TPRG1: variants seen among roughly 807,000 people sequenced by gnomAD.
TPRG1 encodes the protein tumor protein p63-regulated gene 1 protein.
A neutral mutation model predicts 29.3 loss-of-function variants in TPRG1; 29 were observed. That is an observed-to-expected ratio of 0.99 (90% CI 0.74 to 1.35). The LOEUF is 1.35. Ranked by LOEUF, TPRG1 falls within the 40% of genes most tolerant of loss-of-function variation. The probability of loss-of-function intolerance (pLI) is 0.00; values close to 1 mark genes in which losing one functional copy is unlikely to be tolerated. For missense variants in TPRG1, 327 were observed against 335.0 expected, an observed-to-expected ratio of 0.98 and a Z score of 0.19; for synonymous variants, 130 against 116.8, an observed-to-expected ratio of 1.11 and a Z score of -0.73.
intron 5 of TPRG1, among the ~76,000 whole-genome samples, chr3:189,154,733 G>C (rs1726431224): frequency 6.6e-6 from 1 of 152,166 alleles, no homozygotes; most frequent in Non-Finnish European, 1.5e-5. Flanking sequence ...AGGAGCCACT[G>C]TGCCCAGCCT....
chr3:189,133,434 A>G (rs898756610), intron 3 of TPRG1, among the ~76,000 whole-genome samples: 2 of 152,172 alleles, frequency 1.3e-5, no homozygotes, highest in African/African-American at 2.4e-5. Context: ...CTCAAATGCC[A>G]TCTTGAATTG....
intron 3 of TPRG1, among the ~76,000 whole-genome samples, chr3:189,133,273 GAGA>G (rs1450869551): frequency 6.6e-6 from 1 of 152,204 alleles, no homozygotes; most frequent in Non-Finnish European, 1.5e-5. Context: ...GAGACAGGGA[GAGA>G]AGAAGTAGTA....
At chr3:189,272,717 T>TTTC (rs1560633376) in intron 4 of TPRG1, among the ~76,000 whole-genome samples, 9 of 97,508 alleles carry the variant, frequency 9.2e-5, no homozygotes, top group African/African-American at 3.5e-4. Context: ...TTCTTTCTCC[T>TTTC]TCCTTCCTTC....
At chr3:189,156,118 T>C (rs1034494659) in intron 5 of TPRG1, among the ~76,000 whole-genome samples, 3 of 152,260 alleles carry the variant, frequency 2.0e-5, no homozygotes, top group East Asian at 1.9e-4. Flanking sequence ...TATTTATTTA[T>C]CAATTGTAAC....
intron 4 of TPRG1, among the ~76,000 whole-genome samples, chr3:189,090,795 G>A (rs578134798): frequency 5.7e-4 from 86 of 151,588 alleles, no homozygotes; most frequent in African/African-American, 2.0e-3. Context: ...ATAACTTATT[G>A]CTAAGCTTTA....
At chr3:189,300,712 T>G (rs1377052971) in intron 4 of TPRG1, among the ~76,000 whole-genome samples, 1 of 152,206 alleles carries the variant, frequency 6.6e-6, no homozygotes, top group Non-Finnish European at 1.5e-5. Context: ...TGAAGACATA[T>G]TCCTGGTCCA....
chr3:189,212,618 A>G (rs1179818174), intron 2 of TPRG1, among the ~76,000 whole-genome samples: 1 of 151,980 alleles, frequency 6.6e-6, no homozygotes, highest in African/African-American at 2.4e-5. Flanking sequence ...GAGATATGAT[A>G]TATTCCCTTC....
At chr3:189,141,885 C>T (rs1724617788) in intron 3 of TPRG1, among the ~76,000 whole-genome samples, 1 of 152,148 alleles carries the variant, frequency 6.6e-6, no homozygotes, top group South Asian at 2.1e-4. Flanking sequence ...GGGGCCCTGA[C>T]TGGAGAAGTC....
chr3:189,123,292 C>A (rs1722048936), intron 1 of TPRG1, among the ~76,000 whole-genome samples: 2 of 152,136 alleles, frequency 1.3e-5, no homozygotes, highest in African/African-American at 2.4e-5. Context: ...TGTTCCCTTT[C>A]TCTCCAGCTT....
At chr3:189,289,576 T>G (rs151051361) in intron 4 of TPRG1, among the ~76,000 whole-genome samples, 1 of 152,306 alleles carries the variant, frequency 6.6e-6, no homozygotes, top group East Asian at 1.9e-4. Context: ...TTCTTTTGGT[T>G]TCTTCACCTG....
intron 4 of TPRG1, among the ~76,000 whole-genome samples, chr3:189,026,882 T>C (rs1390651263): frequency 6.6e-6 from 1 of 152,160 alleles, no homozygotes; most frequent in Admixed American, 6.5e-5. Context: ...CATGGCGTGT[T>C]TGTTGAGAGC....
At chr3:189,171,144 A>G (rs1436025040), upstream of TPRG1, among the ~76,000 whole-genome samples, 1 of 152,200 alleles carries the variant, frequency 6.6e-6, no homozygotes, top group Non-Finnish European at 1.5e-5. Flanking sequence ...TTAAGATTCT[A>G]TTTCATTTTT....
chr3:189,157,025 T>A (rs1476648276), intron 5 of TPRG1, among the ~76,000 whole-genome samples: 1 of 152,232 alleles, frequency 6.6e-6, no homozygotes, highest in Non-Finnish European at 1.5e-5. Context: ...AAAGAAGCTA[T>A]GCCAGGGAGT....
At chr3:189,056,090 TTCCTTCCTTCCC>T (rs1715674781) in intron 4 of TPRG1, among the ~76,000 whole-genome samples, 3 of 127,610 alleles carry the variant, frequency 2.4e-5, no homozygotes, top group Non-Finnish European at 5.0e-5. Context: ...CCTTCCTTCC[TTCCTTCCTTCCC>T]TCTTTCTTTT....
intron 1 of TPRG1, among the ~76,000 whole-genome samples, chr3:189,183,459 C>A (rs1730508704): frequency 6.6e-6 from 1 of 152,040 alleles, no homozygotes; most frequent in African/African-American, 2.4e-5. Flanking sequence ...TTGAGAGCAA[C>A]CAGTCTGACC....
chr3:189,271,141 C>T (rs9882567), intron 4 of TPRG1, among the ~76,000 whole-genome samples: 13,211 of 152,128 alleles, frequency 0.087, 716 homozygotes, highest in African/African-American at 0.16. Flanking sequence ...TGGGAAATGA[C>T]GGTAGAGCTG....
intron 2 of TPRG1, among the ~76,000 whole-genome samples, chr3:189,131,388 T>C (rs1304693664): frequency 6.6e-6 from 1 of 152,204 alleles, no homozygotes; most frequent in African/African-American, 2.4e-5. Context: ...TGTGTTTATA[T>C]ATATATAGTT....
chr3:189,256,914 G>T (rs1462924567), intron 4 of TPRG1, among the ~76,000 whole-genome samples: 1 of 152,060 alleles, frequency 6.6e-6, no homozygotes, highest in Non-Finnish European at 1.5e-5. Context: ...AAGTGAGATG[G>T]GTGTCCTGAA....
At chr3:189,220,394 G>T (rs1162043265) in intron 3 of TPRG1, among the ~76,000 whole-genome samples, 1 of 152,008 alleles carries the variant, frequency 6.6e-6, no homozygotes, top group Non-Finnish European at 1.5e-5. Context: ...ATGTTTTGAT[G>T]TCCATGCATT....
Sources: allele counts gnomAD v4.1 joint callset (sites outside exome capture counted in the v4.1 genomes callset), GRCh38; gene constraint gnomAD v4.1.1; transcripts MANE v1.5; gene names NCBI Gene and HGNC (gene_info 2026-07-23, HGNC 2026-07-21).